ADGB: variants seen among roughly 807,000 people sequenced by gnomAD.
The protein encoded by ADGB is androglobin, also known as calpain-7-like protein.
In ADGB, 172 loss-of-function variants were observed where a neutral mutation model predicts 210.5. The observed-to-expected ratio is 0.82, with a 90% CI of 0.72 to 0.93. The LOEUF is 0.93. Among genes scored for constraint, ADGB ranks in the 40% least tolerant of loss-of-function variants. ADGB has a pLI of 0.00. For synonymous variants in ADGB, 658 were observed against 662.7 expected (o/e 0.99, Z 0.11); for missense variants, 2,025 against 1,964.8 (o/e 1.03, Z -0.58).
chr6:146,788,260 TG>T, intron 32 of ADGB, 128 bp from the exon 33 acceptor site: 1 of 838,138 alleles, frequency 1.2e-6, no homozygotes, highest in Non-Finnish European at 1.9e-6. Context: ...GCTAGTGCTC[TG>T]GTTAGAAGTT....
chr6:146,789,570 T>C (rs1777925304), intron 33 of ADGB, among the ~76,000 whole-genome samples: 1 of 152,204 alleles, frequency 6.6e-6, no homozygotes, highest in Non-Finnish European at 1.5e-5. Context: ...AGGAAAATTC[T>C]AAAATTAAAA....
At chr6:146,759,990 A>C (rs1263420628) in intron 27 of ADGB, among the ~76,000 whole-genome samples, 1 of 151,828 alleles carries the variant, frequency 6.6e-6, no homozygotes, top group Admixed American at 6.6e-5. Flanking sequence ...GTAGAGTCTC[A>C]TACATTAGGG....
At chr6:146,793,788 G>A (rs1301492661) in intron 33 of ADGB, among the ~76,000 whole-genome samples, 1 of 152,142 alleles carries the variant, frequency 6.6e-6, no homozygotes, top group East Asian at 1.9e-4. Context: ...GCAGTGTCTT[G>A]TACTATCCCT....
intron 14 of ADGB, among the ~76,000 whole-genome samples, chr6:146,715,864 T>G (rs1245001713): frequency 6.6e-6 from 1 of 151,792 alleles, no homozygotes; most frequent in African/African-American, 2.4e-5. Context: ...AGTCAGTAGA[T>G]CGAGACCATC....
chr6:146,735,102 C>T (rs188193272), intron 22 of ADGB, among the ~76,000 whole-genome samples: 412 of 151,684 alleles, frequency 2.7e-3, no homozygotes, highest in Non-Finnish European at 4.8e-3. Flanking sequence ...GCAGTAAAAA[C>T]GTCAGATACA....
chr6:146,645,565 C>T (rs1775597613), intron 3 of ADGB, among the ~76,000 whole-genome samples: 1 of 151,916 alleles, frequency 6.6e-6, no homozygotes, highest in African/African-American at 2.4e-5. Flanking sequence ...AACCAGTGGG[C>T]TAAATTATTT....
chr6:146,636,973 C>A (rs1338268267), intron 2 of ADGB, among the ~76,000 whole-genome samples: 1 of 152,020 alleles, frequency 6.6e-6, no homozygotes, highest in African/African-American at 2.4e-5. Context: ...AGAGAAAGGT[C>A]TCACTTCTTT....
At chr6:146,689,503 C>A (rs1473778053) in intron 10 of ADGB, among the ~76,000 whole-genome samples, 1 of 151,996 alleles carries the variant, frequency 6.6e-6, no homozygotes, top group Non-Finnish European at 1.5e-5. Flanking sequence ...TTGGACCAGT[C>A]CTTTACATTT....
Position 146,803,662 on chromosome 6 carries a change from C to T in ADGB, c.4818+1651C>T, listed in dbSNP as rs1233666250. On this transcript the variant is annotated intron_variant, in intron 35 of 35. Coordinates refer to ENST00000397944, the MANE Select transcript of ADGB (RefSeq NM_024694.4). ...GAAGATCAATGAAATGATCCTCAAT[C>T]TTATTACAAAAGTTCCGTTTTTTAA... 3 of 1,292,222 alleles carry T rather than the reference C, an allele frequency of 2.3e-6. No individual in the cohort carries two copies. In the East Asian group the frequency reaches 6.9e-5, roughly 30 times the overall value. The allele number at this position is 1,292,222 out of a possible 1,614,324, so 80.0% of individuals were successfully genotyped here.
chr6:146,810,339 T>C (rs889592912), intron 35 of ADGB, among the ~76,000 whole-genome samples: 16 of 152,276 alleles, frequency 1.1e-4, no homozygotes, highest in African/African-American at 3.8e-4. Flanking sequence ...GGGAACCCTG[T>C]ACACACTGTG....
At chr6:146,759,766 T>C (rs1446680531) in intron 27 of ADGB, among the ~76,000 whole-genome samples, 1 of 151,878 alleles carries the variant, frequency 6.6e-6, no homozygotes, top group African/African-American at 2.4e-5. Context: ...AAATTTATCC[T>C]CCTTTATCCA....
At chr6:146,748,466 G>A (rs1326347505) in intron 26 of ADGB, among the ~76,000 whole-genome samples, 2 of 152,140 alleles carry the variant, frequency 1.3e-5, no homozygotes, top group East Asian at 3.9e-4. Flanking sequence ...CCTGTTTCGT[G>A]ACTTTCTCCT....
chr6:146,698,192 T>C (rs894340891), intron 12 of ADGB, among the ~76,000 whole-genome samples: 5 of 152,240 alleles, frequency 3.3e-5, no homozygotes, highest in Non-Finnish European at 5.9e-5. Context: ...GTGTTTACTT[T>C]GTGATATTTC....
intron 18 of ADGB, 95 bp downstream of exon 18, chr6:146,724,422 A>G (rs753291082): frequency 5.9e-5 from 76 of 1,288,112 alleles, no homozygotes; most frequent in East Asian, 1.1e-4. Context: ...ACTCTAAGAC[A>G]TTGTTTCTCA....
chr6:146,762,888 C>T (rs1439913309), intron 27 of ADGB, among the ~76,000 whole-genome samples: 1 of 152,084 alleles, frequency 6.6e-6, no homozygotes, highest in Non-Finnish European at 1.5e-5. Context: ...AGCTCACAGC[C>T]CCCCAGTAGT....
At chr6:146,630,129 C>T (rs1460817296) in intron 1 of ADGB, among the ~76,000 whole-genome samples, 1 of 151,842 alleles carries the variant, frequency 6.6e-6, no homozygotes, top group East Asian at 1.9e-4. Context: ...CCCAGATGCT[C>T]AGGAGGCTGA....
At chr6:146,684,002 G>T (rs954816379) in intron 9 of ADGB, among the ~76,000 whole-genome samples, 3 of 152,074 alleles carry the variant, frequency 2.0e-5, no homozygotes, top group Non-Finnish European at 4.4e-5. Flanking sequence ...TAATGAAATA[G>T]ATCAACCTGA....
chr6:146,798,499 G>A (rs1174539035), intron 33 of ADGB, among the ~76,000 whole-genome samples: 1 of 152,058 alleles, frequency 6.6e-6, no homozygotes, highest in Non-Finnish European at 1.5e-5. Context: ...AATAATTTTA[G>A]CCTAAGGTCA....
intron 5 of ADGB, among the ~76,000 whole-genome samples, chr6:146,662,559 T>A (rs1775876924): frequency 1.3e-5 from 2 of 152,152 alleles, no homozygotes; most frequent in Admixed American, 1.3e-4. Context: ...AACATTTTTG[T>A]GAGAATTGCT....
Sources: gnomAD v4.1 joint callset for allele counts (sites outside exome capture counted in the v4.1 genomes callset) on GRCh38, gnomAD v4.1.1 for gene constraint, MANE v1.5 for transcripts, NCBI Gene and HGNC (gene_info 2026-07-23, HGNC 2026-07-21) for gene names.